CCDC175: variants seen among roughly 807,000 people sequenced by gnomAD.
CCDC175 encodes the protein coiled-coil domain containing 175, also known as coiled-coil domain-containing protein 175.
In CCDC175, 100 loss-of-function variants were observed where a neutral mutation model predicts 114.6. The observed-to-expected ratio is 0.87, with a 90% CI of 0.74 to 1.03. CCDC175 has a LOEUF of 1.03. Ranked by LOEUF, CCDC175 falls within the 50% of genes least tolerant of loss-of-function variation. The pLI is 0.00. For missense variants in CCDC175, 880 were observed against 917.8 expected (o/e 0.96, Z 0.53); for synonymous variants, 306 against 308.7 (o/e 0.99, Z 0.09).
Position 59,555,532 on chromosome 14 carries a change from G to T in CCDC175, c.954-4096C>A, listed in dbSNP as rs868161547. Among the ~76,000 whole-genome samples, 6 of 152,278 alleles carry T rather than the reference G, an allele frequency of 3.9e-5. No homozygotes were observed. In the Middle Eastern group the frequency reaches 0.01, roughly 259 times the overall value. Reference sequence around the variant, plus strand: ...CATACTGAATGGGCAAAAACTGGAAGCATTCCCTTGGAAAACTGGCACATC... The same window carrying T: ...CATACTGAATGGGCAAAAACTGGAATCATTCCCTTGGAAAACTGGCACATC... On this transcript the variant is annotated intron_variant, in intron 7 of 19. Coordinates refer to ENST00000537690, the MANE Select transcript of CCDC175 (RefSeq NM_001164399.2).
chr14:59,566,889 T>G (rs1402731146), intron 4 of CCDC175, among the ~76,000 whole-genome samples: 1 of 152,180 alleles, frequency 6.6e-6, no homozygotes, highest in African/African-American at 2.4e-5. Context: ...TGCCTTTCCG[T>G]AAAGATTTGT....
chr14:59,533,966 G>A lies in CCDC175; in HGVS notation c.1624-2056C>T, dbSNP rs183456195. On this transcript the variant is annotated intron_variant, in intron 13 of 19. Transcript: ENST00000537690. ...ATCGCGCCACTGCACTCCAGCCTGG[G>A]CAACAGGGTGAGACCCCTTTTAAAA... is the stretch of plus-strand genomic sequence containing the variant. Among the ~76,000 whole-genome samples, 574 of 138,322 alleles carry A rather than the reference G, an allele frequency of 4.1e-3. 14 individuals are homozygous for A. In the Admixed American group the frequency reaches 0.042, roughly 10 times the overall value. The allele number at this position is 138,322 out of a possible 152,430, so 90.7% of individuals were successfully genotyped here. A position where few individuals can be genotyped will look rare whatever the true frequency, so the allele number is the denominator to read the frequency against.
At position 59,509,188 on chromosome 14, in the gene CCDC175, T is replaced by C. The variant is rs568758807; in HGVS notation, c.2305+1458A>G. On this transcript the variant is annotated intron_variant, in intron 19 of 19. Coordinates refer to ENST00000537690, the MANE Select transcript of CCDC175 (RefSeq NM_001164399.2). ...CAGATAAAAACAGAAGATTAATTCA[T>C]GTGAAGACAGTGCCCTTGACACTTA... 2.0e-5 allele frequency among the ~76,000 whole-genome samples: 3 copies of C among 152,320 alleles called. No homozygotes were observed. The East Asian group carries it at 5.8e-4, about 29-fold the overall frequency.
intron 6 of CCDC175, among the ~76,000 whole-genome samples, chr14:59,561,498 A>G (rs190340095): frequency 3.2e-4 from 49 of 152,316 alleles, no homozygotes; most frequent in African/African-American, 1.2e-3. Flanking sequence ...CAAACTTTTG[A>G]GACAAGAATT....
At chr14:59,544,213 C>T (rs1413754498) in intron 9 of CCDC175, among the ~76,000 whole-genome samples, 1 of 152,038 alleles carries the variant, frequency 6.6e-6, no homozygotes, top group African/African-American at 2.4e-5. Context: ...GTCGCCCAGG[C>T]CAGAGTGCAA....
intron 7 of CCDC175, among the ~76,000 whole-genome samples, chr14:59,559,017 T>C (rs1042484237): frequency 6.6e-6 from 1 of 152,160 alleles, no homozygotes; most frequent in Non-Finnish European, 1.5e-5. Flanking sequence ...TCAAATTCTA[T>C]TATGAATTTG....
intron 13 of CCDC175, among the ~76,000 whole-genome samples, chr14:59,533,456 T>C (rs1389989507): frequency 6.6e-6 from 1 of 152,218 alleles, no homozygotes; most frequent in Non-Finnish European, 1.5e-5. Context: ...TTAACCCTTT[T>C]CACATCTTGC....
intron 4 of CCDC175, among the ~76,000 whole-genome samples, chr14:59,566,345 A>G (rs928259240): frequency 6.6e-6 from 1 of 152,230 alleles, no homozygotes; most frequent in Non-Finnish European, 1.5e-5. Flanking sequence ...AGCTCCTGCA[A>G]TGTAAAGACC....
At chr14:59,514,601 A>T (rs1427461246) in intron 17 of CCDC175, among the ~76,000 whole-genome samples, 3 of 152,222 alleles carry the variant, frequency 2.0e-5, no homozygotes, top group Non-Finnish European at 4.4e-5. Flanking sequence ...TGAAGCGAGA[A>T]GAGAAGTTTA....
chr14:59,508,399 T>TACACACACACACACAC (rs71451066), intron 19 of CCDC175, among the ~76,000 whole-genome samples: 3,556 of 97,302 alleles, frequency 0.037, 251 homozygotes, highest in African/African-American at 0.066. Flanking sequence ...GTCTCCAAAA[T>TACACACACACACACAC]ACACACACAC....
chr14:59,514,365 T>C (rs1164800506), intron 17 of CCDC175, among the ~76,000 whole-genome samples: 2 of 151,898 alleles, frequency 1.3e-5, no homozygotes, highest in African/African-American at 4.8e-5. Flanking sequence ...ATCAAACTAC[T>C]CAGAGCTAAA....
At chr14:59,546,488 A>G (rs1037591301) in intron 8 of CCDC175, among the ~76,000 whole-genome samples, 1 of 152,204 alleles carries the variant, frequency 6.6e-6, no homozygotes, top group Non-Finnish European at 1.5e-5. Flanking sequence ...AATAAAGGAT[A>G]ATAGGTGATT....
intron 13 of CCDC175, among the ~76,000 whole-genome samples, chr14:59,533,123 G>A (rs1440394207): frequency 6.6e-6 from 1 of 152,128 alleles, no homozygotes; most frequent in Non-Finnish European, 1.5e-5. Flanking sequence ...GAGACAGAGA[G>A]ACTCACACAG....
At chr14:59,512,793 G>A (rs1363432221) in intron 17 of CCDC175, among the ~76,000 whole-genome samples, 4 of 143,980 alleles carry the variant, frequency 2.8e-5, no homozygotes, top group African/African-American at 1.0e-4. Context: ...ACCCAATTAA[G>A]ATCTCAGCAG....
chr14:59,522,652 C>T (rs116151068), intron 16 of CCDC175, among the ~76,000 whole-genome samples: 1,853 of 152,286 alleles, frequency 0.012, 29 homozygotes, highest in African/African-American at 0.043. Flanking sequence ...TGTTCACAGC[C>T]CCTAATCTTC....
At chr14:59,514,825 G>A (rs1388466173) in intron 17 of CCDC175, among the ~76,000 whole-genome samples, 9 of 152,228 alleles carry the variant, frequency 5.9e-5, no homozygotes, top group Admixed American at 5.9e-4. Flanking sequence ...ATGCCACAAA[G>A]ATACTCCTCC....
intron 16 of CCDC175, among the ~76,000 whole-genome samples, chr14:59,522,785 T>A: frequency 6.6e-6 from 1 of 152,370 alleles, no homozygotes; most frequent in African/African-American, 2.4e-5. Flanking sequence ...CAAGGTTCCC[T>A]TGCTCTGGGG....
chr14:59,551,828 G>T (rs1048568618), intron 7 of CCDC175, among the ~76,000 whole-genome samples: 5 of 152,190 alleles, frequency 3.3e-5, no homozygotes, highest in Non-Finnish European at 7.3e-5. Context: ...TATATCCCGC[G>T]CATGGCTCAG....
At chr14:59,560,996 G>C in intron 7 of CCDC175, 123 bp downstream of exon 7, 2 of 542,680 alleles carry the variant, frequency 3.7e-6, no homozygotes, top group Non-Finnish European at 6.4e-6. Flanking sequence ...TAAACTAAGA[G>C]AATATAATTT....
Sources: allele counts gnomAD v4.1 joint callset (sites outside exome capture counted in the v4.1 genomes callset), GRCh38; gene constraint gnomAD v4.1.1; transcripts MANE v1.5; gene names NCBI Gene and HGNC (gene_info 2026-07-23, HGNC 2026-07-21).